Variants in CNOT1 observed in about 807,000 individuals in gnomAD.
CNOT1 encodes the protein CCR4-associated factor 1.
A neutral mutation model predicts 273.8 loss-of-function variants in CNOT1; 15 were observed. The ratio of observed to expected loss-of-function variants is 0.05; its 90% CI spans 0.04 to 0.08. CNOT1 has a LOEUF of 0.08. CNOT1 is among the 10% of genes least tolerant of loss of function. CNOT1 has a pLI of 1.00. For synonymous variants in CNOT1, 1,022 were observed against 1,005.5 expected (o/e 1.02, Z -0.31); for missense variants, 1,644 against 2,912.2 (o/e 0.56, Z 10.02).
chr16:58,607,721 C>CAA (rs71385179), intron 1 of CNOT1, among the ~76,000 whole-genome samples: 16,888 of 65,008 alleles, frequency 0.26, 1,671 homozygotes, highest in Non-Finnish European at 0.35. Context: ...CAGCAAAACT[C>CAA]AAAAAAAAAA....
intron 11 of CNOT1, 33 bp from the exon 12 acceptor site, chr16:58,580,793 T>C (rs1253668491): frequency 1.9e-6 from 3 of 1,575,262 alleles, no homozygotes; most frequent in Non-Finnish European, 1.7e-6. Context: ...CCACCATAAA[T>C]GATTGTGAAT....
In CNOT1 at chr16:58,605,298, T is replaced by A. The variant is rs1597580469; in HGVS notation, c.-174-5787A>T. Among the ~76,000 whole-genome samples the A allele has an allele frequency of 2.0e-5, 3 of 150,882 alleles. No homozygotes were observed. The South Asian group carries it at 6.3e-4, about 32-fold the overall frequency. ...CGGGTGGATCACCTGAGGTCAGGAG[T>A]TCAAGACCAGCCTGGCCAACATGGT... On this transcript the variant is annotated intron_variant, in intron 1 of 48. Transcript: ENST00000317147.
At chr16:58,538,347 C>T in intron 36 of CNOT1, 81 bp from the exon 37 acceptor site, 1 of 744,468 alleles carries the variant, frequency 1.3e-6, no homozygotes, top group Non-Finnish European at 2.4e-6. Context: ...GAAATTTGCT[C>T]CAAACTAAGA....
At position 58,555,159 on chromosome 16, in the gene CNOT1, G is replaced by A; in HGVS notation, c.2891+92C>T. The A allele has an allele frequency of 2.0e-6, 3 of 1,528,336 alleles. No homozygotes were observed. The South Asian group carries it at 3.9e-5, about 20-fold the overall frequency. 94.7% of individuals were successfully genotyped at this position (1,528,336 alleles called of 1,614,324 possible). A position where few individuals can be genotyped will look rare whatever the true frequency, so the allele number is the denominator to read the frequency against. ...CAAGGTCAAGGCTGCAGTGAGCCGA[G>A]ATTGCGCCACTGCACTCCAGCCTGG... On this transcript the variant is annotated intron_variant, in intron 21 of 48. Coordinates refer to ENST00000317147, the MANE Select transcript of CNOT1 (RefSeq NM_016284.5).
Position 58,556,923 on chromosome 16 carries a change from G to T in CNOT1, c.2403C>A (p.Asn801Lys). 6.2e-7 allele frequency: 1 copy of T among 1,614,108 alleles called. No homozygotes were observed. The highest frequency in any genetic ancestry group is 8.5e-7 in the Non-Finnish European group (1 of 1,180,018). ...CCAGTTTCCTCTGTACAAAAGGGTC[G>T]TTATTCACTGCAGGGAGTCCAAGAG... ...TGALGLPAVN[N>K]DPFVQRKLGT... Residue 801 changes from asparagine to lysine, a missense_variant, in exon 19 of 49, where the codon AAC becomes AAA. Asn to Lys is a moderately conservative substitution (Grantham distance 94). Around this residue, in one of 13 missense-constraint regions of CNOT1, gnomAD observed 706 missense variants for 1,021.2 expected, o/e 0.69. Coordinates refer to ENST00000317147, the MANE Select transcript of CNOT1 (RefSeq NM_016284.5).
intron 47 of CNOT1, 75 bp downstream of exon 47, chr16:58,523,295 G>T: frequency 1.4e-6 from 2 of 1,428,058 alleles, no homozygotes; most frequent in African/African-American, 1.7e-5. Context: ...AACACTGAAA[G>T]CATAAAGAGG....
At chr16:58,592,468 C>T (rs2042095948) in intron 2 of CNOT1, among the ~76,000 whole-genome samples, 1 of 152,066 alleles carries the variant, frequency 6.6e-6, no homozygotes, top group Non-Finnish European at 1.5e-5. Flanking sequence ...GTCCTAACTA[C>T]TGGGGAGGGT....
At chr16:58,543,007 C>G in intron 31 of CNOT1, 15 of 721,706 alleles carry the variant, frequency 2.1e-5, no homozygotes, top group Non-Finnish European at 2.5e-5. Context: ...GCACGAGAAT[C>G]AGTTGAACCT....
chr16:58,622,917 G>T (rs1018469287), intron 1 of CNOT1, among the ~76,000 whole-genome samples: 2 of 151,862 alleles, frequency 1.3e-5, no homozygotes, highest in South Asian at 4.2e-4. Flanking sequence ...AATCCTTTTG[G>T]CTGGGTGCAG....
chr16:58,570,734 C>T (rs1410303754), intron 16 of CNOT1, among the ~76,000 whole-genome samples: 6 of 152,214 alleles, frequency 3.9e-5, no homozygotes, highest in South Asian at 2.1e-4. Flanking sequence ...CAAAGCCATA[C>T]TAAATGAAAT....
Position 58,549,914 on chromosome 16 carries a change from G to A in CNOT1, c.3343-16C>T, listed in dbSNP as rs560134678. On this transcript the variant is annotated splice_polypyrimidine_tract_variant and intron_variant, in intron 24 of 48. Transcript: ENST00000317147. Reference sequence around the variant, plus strand: ...GCTCTTCAACCTAGCCGGTCAATACGACATGGGAAGCACAGAATTACACTA... The same window carrying A: ...GCTCTTCAACCTAGCCGGTCAATACAACATGGGAAGCACAGAATTACACTA... The A allele has an allele frequency of 2.2e-5, 36 of 1,613,070 alleles. No individual in the cohort carries two copies. Among genetic ancestry groups the A allele is most frequent in the South Asian group, 2.2e-4 (20 of 90,880 alleles).
Position 58,520,746 on chromosome 16 carries a change from C to G in CNOT1, c.*212G>C, listed in dbSNP as rs2039340352. 1.7e-6 allele frequency: 1 copy of G among 571,774 alleles called. No individual in the cohort carries two copies. The highest frequency in any genetic ancestry group is 1.9e-5 in the African/African-American group (1 of 53,400). The allele number at this position is 571,774 out of a possible 1,614,324, so 35.4% of individuals were successfully genotyped here. ...TTCAAAATGATATTCACAGCATCTTCTAAATTTTGGCCAAGAGTCAAAAAA... is the reference window on the plus strand; with the variant it reads ...TTCAAAATGATATTCACAGCATCTTGTAAATTTTGGCCAAGAGTCAAAAAA... On this transcript the variant is annotated 3_prime_UTR_variant, in exon 49 of 49. Coordinates refer to ENST00000317147, the MANE Select transcript of CNOT1 (RefSeq NM_016284.5).
In CNOT1 at chr16:58,525,435, C is replaced by G. The variant is rs1597393788; in HGVS notation, c.6604-76G>C. ...ATTCTAGCACCAGTATTTCTAAACC[C>G]TTCTTACACCTTCATGGAAAGGCCA... On this transcript the variant is annotated intron_variant, in intron 45 of 48. Coordinates refer to ENST00000317147, the MANE Select transcript of CNOT1 (RefSeq NM_016284.5). The G allele has an allele frequency of 7.3e-6, 9 of 1,231,486 alleles. No homozygotes were observed. In the East Asian group the frequency reaches 2.2e-4, roughly 31 times the overall value. 76.3% of individuals were successfully genotyped at this position (1,231,486 alleles called of 1,614,324 possible).
Position 58,547,722 on chromosome 16 carries a change from T to C in CNOT1, c.3523-40A>G. The stretch of plus-strand genomic sequence containing the variant: ...GATTAAGAAAGATATGAGAATAAGC[T>C]TATGAAAGAAAACTCAACTAAGTAT... On this transcript the variant is annotated intron_variant, in intron 25 of 48. Coordinates refer to ENST00000317147, the MANE Select transcript of CNOT1 (RefSeq NM_016284.5). The surrounding 1 kb of genome is among the most constrained non-coding windows in gnomAD (Gnocchi z 4.0). 1 of 1,572,780 alleles carries C rather than the reference T, an allele frequency of 6.4e-7. No homozygotes were observed. The highest frequency in any genetic ancestry group is 8.6e-7 in the Non-Finnish European group (1 of 1,157,088).
chr16:58,571,228 A>G (rs2041261804), intron 16 of CNOT1, among the ~76,000 whole-genome samples: 1 of 152,188 alleles, frequency 6.6e-6, no homozygotes, highest in South Asian at 2.1e-4. Flanking sequence ...AGAGACAAAG[A>G]CATTTTACAG....
At chr16:58,530,156 T>TA in intron 43 of CNOT1, 90 bp downstream of exon 43, 1 of 1,047,538 alleles carries the variant, frequency 9.5e-7, no homozygotes, top group Non-Finnish European at 1.4e-6. Flanking sequence ...CTCAAAGGCT[T>TA]AATAAAAACA....
chr16:58,561,270 G>A (rs1364756811), intron 16 of CNOT1, among the ~76,000 whole-genome samples: 2 of 152,190 alleles, frequency 1.3e-5, no homozygotes, highest in Non-Finnish European at 1.5e-5. Context: ...AATTTTCTGA[G>A]TACTGGCTTT....
In CNOT1 at chr16:58,574,789, T is replaced by C. The variant is rs113504769; in HGVS notation, c.1828-29A>G. 8.9e-6 allele frequency: 14 copies of C among 1,581,896 alleles called. 2 individuals carry two copies. In the African/African-American group the frequency reaches 1.7e-4, roughly 19 times the overall value. On this transcript the variant is annotated intron_variant, in intron 15 of 48. Coordinates refer to ENST00000317147, the MANE Select transcript of CNOT1 (RefSeq NM_016284.5). ...AAGAATAGAAAAGTCTCTCAGTGTA[T>C]TTAAAATTGATCTTAAATGTTTTTG...
In CNOT1 at chr16:58,586,673, T is replaced by A; in HGVS notation, c.509A>T (p.Glu170Val). 2 of 1,613,372 alleles carry A rather than the reference T, an allele frequency of 1.2e-6. No individual in the cohort carries two copies. Among genetic ancestry groups the A allele is most frequent in the Non-Finnish European group, 1.7e-6 (2 of 1,179,904 alleles). Residue 170 changes from glutamate to valine, a missense_variant, in exon 7 of 49, where the codon GAA (glutamate) becomes GTA (valine). This residue lies in a region of CNOT1 where 706 missense variants were observed against 1,021.2 expected (regional missense o/e 0.69). Transcript: ENST00000317147. ...YIDADVSGNQ[E>V]GGFQDIAIEV... ...TATTGCTATATCTTGGAAGCCACCTTCTTGATTTCCACTGACGTCTGCGTC... is the reference window on the plus strand; with the variant it reads ...TATTGCTATATCTTGGAAGCCACCTACTTGATTTCCACTGACGTCTGCGTC...
Sources: allele counts gnomAD v4.1 joint callset (sites outside exome capture counted in the v4.1 genomes callset), GRCh38; gene constraint gnomAD v4.1.1; regional missense constraint gnomAD v4.1.1; non-coding constraint Gnocchi (gnomAD v3.1); transcripts MANE v1.5; gene names NCBI Gene and HGNC (gene_info 2026-07-23, HGNC 2026-07-21).